The following STX8 variants were observed in gnomAD, a reference collection of about 807,000 sequenced individuals.
The protein encoded by STX8 is syntaxin-8.
STX8 carries 23 observed loss-of-function variants against 37.5 expected under a neutral mutation model. That is an observed-to-expected ratio of 0.61 (90% CI 0.44 to 0.87). The LOEUF is 0.87. STX8 is among the 40% of genes least tolerant of loss of function. The probability of loss-of-function intolerance (pLI) is 0.00; values close to 1 mark genes in which losing one functional copy is unlikely to be tolerated. For missense variants in STX8, 313 were observed against 284.7 expected (o/e 1.10, Z -0.71); for synonymous variants, 115 against 99.1 (o/e 1.16, Z -0.95).
chr17:9,370,675 G>T (rs60845762), intron 7 of STX8, among the ~76,000 whole-genome samples: 1 of 152,168 alleles, frequency 6.6e-6, no homozygotes, highest in Admixed American at 6.5e-5. Context: ...AATATGCTGA[G>T]AAGCAAGACT....
intron 7 of STX8, among the ~76,000 whole-genome samples, chr17:9,342,114 G>A (rs1337364219): frequency 1.3e-5 from 2 of 152,140 alleles, no homozygotes; most frequent in Non-Finnish European, 2.9e-5. Context: ...GGGCATTAGA[G>A]TCTCATAAGA....
chr17:9,265,620 C>A (rs1907207235), intron 7 of STX8, among the ~76,000 whole-genome samples: 2 of 152,232 alleles, frequency 1.3e-5, no homozygotes, highest in Admixed American at 1.3e-4. Flanking sequence ...GTCCTCACTC[C>A]TGACGTGGTT....
At chr17:9,502,310 G>C (rs182367022) in intron 5 of STX8, among the ~76,000 whole-genome samples, 8 of 152,158 alleles carry the variant, frequency 5.3e-5, no homozygotes, top group African/African-American at 1.7e-4. Context: ...GGGTTTGGGG[G>C]AGAGATGAGG....
chr17:9,541,614 T>G (rs1055088033), intron 4 of STX8, among the ~76,000 whole-genome samples: 1 of 152,198 alleles, frequency 6.6e-6, no homozygotes, highest in Non-Finnish European at 1.5e-5. Context: ...ACTGACAGAC[T>G]AGAAAGCTAC....
chr17:9,498,188 G>A (rs1039612132), intron 5 of STX8, among the ~76,000 whole-genome samples: 8 of 152,018 alleles, frequency 5.3e-5, no homozygotes, highest in Non-Finnish European at 7.4e-5. Context: ...TCAGGAGTTC[G>A]AGACCAGCCT....
intron 7 of STX8, among the ~76,000 whole-genome samples, chr17:9,359,037 C>CT (rs377598147): frequency 2.1e-4 from 31 of 147,508 alleles, no homozygotes; most frequent in East Asian, 6.0e-4. Context: ...GGAACTAAGG[C>CT]TTTTTTTTTT....
At chr17:9,420,948 G>GTTCC (rs1913401897) in intron 6 of STX8, among the ~76,000 whole-genome samples, 1 of 152,148 alleles carries the variant, frequency 6.6e-6, no homozygotes, top group Non-Finnish European at 1.5e-5. Flanking sequence ...GAGTCCCATT[G>GTTCC]TTCCACCAGT....
intron 7 of STX8, among the ~76,000 whole-genome samples, chr17:9,253,613 G>C (rs1906674204): frequency 6.6e-6 from 1 of 152,146 alleles, no homozygotes; most frequent in Non-Finnish European, 1.5e-5. Context: ...TAAGATGACA[G>C]GGAGGGGCTG....
At chr17:9,521,650 G>A (rs1266264712) in intron 4 of STX8, among the ~76,000 whole-genome samples, 1 of 152,144 alleles carries the variant, frequency 6.6e-6, no homozygotes, top group East Asian at 1.9e-4. Context: ...CACTAATCTA[G>A]TGACTTGTAA....
intron 6 of STX8, among the ~76,000 whole-genome samples, chr17:9,486,867 G>A (rs1395451759): frequency 6.6e-6 from 1 of 152,036 alleles, no homozygotes; most frequent in Non-Finnish European, 1.5e-5. Flanking sequence ...CACAACTCTG[G>A]GTTCTGGAGA....
intron 7 of STX8, among the ~76,000 whole-genome samples, chr17:9,302,952 T>C (rs1283209389): frequency 7.1e-6 from 1 of 140,624 alleles, no homozygotes; most frequent in Admixed American, 7.3e-5. Flanking sequence ...CACCGAAAAA[T>C]GGTGAATTTT....
chr17:9,324,155 CAA>C (rs1491413735), intron 7 of STX8, among the ~76,000 whole-genome samples: 69 of 143,768 alleles, frequency 4.8e-4, no homozygotes, highest in East Asian at 1.8e-3. Context: ...CACACACACA[CAA>C]ACACAAACAC....
At chr17:9,408,841 C>T (rs76369304) in intron 6 of STX8, among the ~76,000 whole-genome samples, 11,256 of 152,068 alleles carry the variant, frequency 0.074, 654 homozygotes, top group East Asian at 0.31. Flanking sequence ...GAAAAGTCTA[C>T]GTGAGGGTCC....
chr17:9,443,334 T>C (rs145688412), intron 6 of STX8, among the ~76,000 whole-genome samples: 4 of 152,198 alleles, frequency 2.6e-5, no homozygotes, highest in African/African-American at 9.7e-5. Context: ...GAGTCACTCA[T>C]TCATTAAGCA....
chr17:9,320,781 G>A (rs748291620), intron 7 of STX8, among the ~76,000 whole-genome samples: 29 of 151,106 alleles, frequency 1.9e-4, no homozygotes, highest in Non-Finnish European at 3.7e-4. Flanking sequence ...TGCACCTCTA[G>A]TCCCAGCTAG....
At chr17:9,481,388 G>T (rs115882939) in intron 6 of STX8, among the ~76,000 whole-genome samples, 3,776 of 152,198 alleles carry the variant, frequency 0.025, 134 homozygotes, top group African/African-American at 0.084. Flanking sequence ...AAGGACAGCG[G>T]TTTCTAACTG....
At chr17:9,387,602 G>A (rs1051279621) in intron 6 of STX8, among the ~76,000 whole-genome samples, 2 of 152,124 alleles carry the variant, frequency 1.3e-5, no homozygotes, top group African/African-American at 4.8e-5. Flanking sequence ...CAAAAAGTGG[G>A]CATTTTTATG....
intron 7 of STX8, among the ~76,000 whole-genome samples, chr17:9,328,284 A>G (rs1909843917): frequency 6.7e-6 from 1 of 150,134 alleles, no homozygotes; most frequent in South Asian, 2.1e-4. Flanking sequence ...CCTGCCTTGA[A>G]GAGGGATTCT....
In STX8 at chr17:9,250,635, C is replaced by G. The variant is rs928970008; in HGVS notation, c.654G>C (p.Met218Ile). Residue 218 changes from methionine to isoleucine, a missense_variant, in exon 8 of 8, where the codon ATG (methionine) becomes ATC (isoleucine). Coordinates refer to ENST00000306357, the MANE Select transcript of STX8 (RefSeq NM_004853.3). Reference protein sequence around the residue: ...DRKSASCGMIMVILLLLVAIV... With the variant: ...DRKSASCGMIIVILLLLVAIV... ...TAGCCACAAGCAGCAGTAAAATCAC[C>G]ATGATCATCCCTGGAAAAAAGCAGC... 5 of 1,597,820 alleles carry G rather than the reference C, an allele frequency of 3.1e-6. No individual in the cohort carries two copies. In the Admixed American group the frequency reaches 7.0e-5, roughly 22 times the overall value.
Sources: allele counts gnomAD v4.1 joint callset (sites outside exome capture counted in the v4.1 genomes callset), GRCh38; gene constraint gnomAD v4.1.1; transcripts MANE v1.5; gene names NCBI Gene and HGNC (gene_info 2026-07-23, HGNC 2026-07-21).